NRXN3: variants seen among roughly 807,000 people sequenced by gnomAD.
NRXN3 encodes neurexin 3.
A neutral mutation model predicts 137.6 loss-of-function variants in NRXN3; 32 were observed. That is an observed-to-expected ratio of 0.23 (90% CI 0.18 to 0.31). The LOEUF (loss-of-function observed/expected upper bound fraction) is 0.31. Ranked by LOEUF, NRXN3 falls within the 10% of genes least tolerant of loss-of-function variation. The pLI is 1.00. For synonymous variants in NRXN3, 798 were observed against 784.5 expected, an observed-to-expected ratio of 1.02 and a Z score of -0.29; for missense variants, 1,574 against 2,062.5, an observed-to-expected ratio of 0.76 and a Z score of 4.59.
At chr14:79,488,827 G>A (rs2096682806) in intron 16 of NRXN3, among the ~76,000 whole-genome samples, 1 of 152,114 alleles carries the variant, frequency 6.6e-6, no homozygotes, top group Non-Finnish European at 1.5e-5. Flanking sequence ...AAGATTTTTA[G>A]AATGATCTCT....
At chr14:78,778,051 C>T (rs2003540603) in intron 8 of NRXN3, among the ~76,000 whole-genome samples, 2 of 152,142 alleles carry the variant, frequency 1.3e-5, no homozygotes, top group Admixed American at 1.3e-4. Context: ...GCATGAGCCA[C>T]CACACCCAGC....
intron 16 of NRXN3, among the ~76,000 whole-genome samples, chr14:79,509,085 G>A (rs545779244): frequency 1.3e-5 from 2 of 152,152 alleles, no homozygotes; most frequent in East Asian, 3.9e-4. Flanking sequence ...ATCTCAGCTA[G>A]TCAGATGGCT....
intron 16 of NRXN3, among the ~76,000 whole-genome samples, chr14:79,598,527 G>A (rs2097886453): frequency 6.6e-6 from 1 of 152,198 alleles, no homozygotes; most frequent in Non-Finnish European, 1.5e-5. Flanking sequence ...TGAGGGAGCT[G>A]GTAATATGCA....
At chr14:79,224,055 C>A (rs17108966) in intron 15 of NRXN3, among the ~76,000 whole-genome samples, 4,194 of 152,092 alleles carry the variant, frequency 0.028, 140 homozygotes, top group South Asian at 0.086. Context: ...CAACTTAGAG[C>A]GGACACATAG....
rs2099414635 is a variant in NRXN3, at chr14:79,862,032, G to A, written c.*68G>A. The stretch of plus-strand genomic sequence containing the variant: ...TATCCACGCCTATGAATCTTTGGAC[G>A]GTGAGATCTCACAGATGTCAGAACT... On this transcript the variant is annotated 3_prime_UTR_variant, in exon 21 of 21. Coordinates refer to ENST00000335750, the MANE Select transcript of NRXN3 (RefSeq NM_001330195.2). 1.5e-6 allele frequency: 2 copies of A among 1,293,278 alleles called. No individual in the cohort carries two copies. Among genetic ancestry groups the A allele is most frequent in the South Asian group, 1.5e-5 (1 of 68,804 alleles). The allele number at this position is 1,293,278 out of a possible 1,614,324, so 80.1% of individuals were successfully genotyped here. A position where few individuals can be genotyped will look rare whatever the true frequency, so the allele number is the denominator to read the frequency against.
chr14:78,654,851 A>G (rs1463382539), intron 6 of NRXN3, among the ~76,000 whole-genome samples: 1 of 152,208 alleles, frequency 6.6e-6, no homozygotes, highest in Non-Finnish European at 1.5e-5. Flanking sequence ...ATTAATAAAT[A>G]TCTTTCCTAA....
intron 10 of NRXN3, among the ~76,000 whole-genome samples, chr14:78,896,987 A>G (rs1004081200): frequency 1.3e-5 from 2 of 151,974 alleles, no homozygotes; most frequent in East Asian, 1.9e-4. Context: ...AATCCATCCC[A>G]TTGTCTGATC....
At chr14:78,370,105 C>T (rs1230199902) in intron 4 of NRXN3, among the ~76,000 whole-genome samples, 1 of 152,124 alleles carries the variant, frequency 6.6e-6, no homozygotes, top group Non-Finnish European at 1.5e-5. Flanking sequence ...CCCTCCTTTC[C>T]AGCCACAATG....
intron 6 of NRXN3, among the ~76,000 whole-genome samples, chr14:78,684,801 A>G (rs1369785677): frequency 2.0e-5 from 3 of 152,240 alleles, no homozygotes; most frequent in Non-Finnish European, 4.4e-5. Flanking sequence ...CTCAAAAACA[A>G]CAACAAAATA....
rs531296414 is a variant in NRXN3, at chr14:78,774,437, C to T, written c.2045-29183C>T. On this transcript the variant is annotated intron_variant, in intron 8 of 20. Coordinates refer to ENST00000335750, the MANE Select transcript of NRXN3 (RefSeq NM_001330195.2). ...GTTTGAGGGGTACCATGATTTCTTACATGTTGTACAACTTAAATATTCTAA... is the reference window on the plus strand; with the variant it reads ...GTTTGAGGGGTACCATGATTTCTTATATGTTGTACAACTTAAATATTCTAA... 2.6e-5 allele frequency among the ~76,000 whole-genome samples: 4 copies of T among 152,310 alleles called. No individual in the cohort carries two copies. The East Asian group carries it at 7.7e-4, about 29-fold the overall frequency.
At chr14:78,439,010 C>T (rs73316405) in intron 4 of NRXN3, among the ~76,000 whole-genome samples, 11,854 of 151,844 alleles carry the variant, frequency 0.078, 1,196 homozygotes, top group African/African-American at 0.23. Context: ...AGGCAAAGAA[C>T]ATAGATTACT....
At chr14:79,100,214 G>A (rs1374992086) in intron 15 of NRXN3, among the ~76,000 whole-genome samples, 1 of 152,132 alleles carries the variant, frequency 6.6e-6, no homozygotes, top group Non-Finnish European at 1.5e-5. Flanking sequence ...CTGTTTTAGC[G>A]ACTGCAGTGA....
chr14:78,963,934 A>ATT (rs111872358), intron 11 of NRXN3, among the ~76,000 whole-genome samples: 1 of 149,524 alleles, frequency 6.7e-6, no homozygotes, highest in African/African-American at 2.4e-5. Context: ...CCTGGCTAAT[A>ATT]TTTTTTTTTT....
chr14:79,074,365 T>C (rs1389419151), intron 15 of NRXN3, among the ~76,000 whole-genome samples: 1 of 152,240 alleles, frequency 6.6e-6, no homozygotes, highest in East Asian at 1.9e-4. Context: ...ACATTTTTAT[T>C]TCTCAAATTA....
At chr14:78,400,208 C>G (rs1038235395) in intron 4 of NRXN3, among the ~76,000 whole-genome samples, 2 of 152,202 alleles carry the variant, frequency 1.3e-5, no homozygotes, top group Non-Finnish European at 2.9e-5. Context: ...ACAGCAGTCT[C>G]CTATTATGAG....
chr14:78,188,936 C>T (rs1258317134), intron 1 of NRXN3, among the ~76,000 whole-genome samples: 1 of 152,110 alleles, frequency 6.6e-6, no homozygotes, highest in Non-Finnish European at 1.5e-5. Context: ...TGATCACCAT[C>T]TCTACTTGTG....
At chr14:78,912,569 G>A (rs890975371) in intron 10 of NRXN3, among the ~76,000 whole-genome samples, 3 of 152,004 alleles carry the variant, frequency 2.0e-5, no homozygotes, top group East Asian at 3.9e-4. Flanking sequence ...ACACTAAAAC[G>A]AGATTCAAGG....
At chr14:78,548,863 C>A (rs569395195) in intron 4 of NRXN3, among the ~76,000 whole-genome samples, 1 of 152,266 alleles carries the variant, frequency 6.6e-6, no homozygotes, top group East Asian at 1.9e-4. Context: ...CTCTAGGAGC[C>A]CACTCTACCA....
At chr14:78,585,140 G>A (rs976478528) in intron 4 of NRXN3, among the ~76,000 whole-genome samples, 2 of 96,260 alleles carry the variant, frequency 2.1e-5, no homozygotes, top group African/African-American at 9.9e-5. Flanking sequence ...GGGGAGATAA[G>A]GGGGGGGGGT....
Sources: gnomAD v4.1 joint callset for allele counts (sites outside exome capture counted in the v4.1 genomes callset) on GRCh38, gnomAD v4.1.1 for gene constraint, MANE v1.5 for transcripts, NCBI Gene and HGNC (gene_info 2026-07-23, HGNC 2026-07-21) for gene names.